Variants in ARID1B observed in about 807,000 individuals in gnomAD.
The protein encoded by ARID1B is AT-rich interaction domain 1B, also known as AT-rich interactive domain-containing protein 1B.
ARID1B carries 30 observed loss-of-function variants against 212.3 expected under a neutral mutation model. That is an observed-to-expected ratio of 0.14 (90% confidence interval 0.11 to 0.19). The LOEUF (loss-of-function observed/expected upper bound fraction) is 0.19, where lower values mean the gene tolerates loss of function less well. Among genes scored for constraint, ARID1B ranks in the 10% least tolerant of loss-of-function variants. ARID1B has a pLI of 1.00. For synonymous variants in ARID1B, 1,402 were observed against 1,301.7 expected (o/e 1.08, Z -1.66); for missense variants, 2,891 against 3,204.0 (o/e 0.90, Z 2.36).
At chr6:156,976,717 C>CTTTTTAAAAAAAAAGACTTT (rs1777273222) in intron 4 of ARID1B, 6 of 436,604 alleles carry the variant, frequency 1.4e-5, no homozygotes, top group South Asian at 1.1e-4. Context: ...TCCGTGGACT[C>CTTTTTAAAAAAAAAGACTTT]TTTTTAAGCT....
chr6:157,185,163 C>T (rs1422592614), intron 13 of ARID1B: 1 of 152,394 alleles, frequency 6.6e-6, no homozygotes, highest in East Asian at 1.9e-4. Flanking sequence ...AGCTCCCCTG[C>T]CAGCCTTCGT....
intron 4 of ARID1B, chr6:156,976,201 G>C (rs952553663): frequency 6.5e-6 from 1 of 152,896 alleles, no homozygotes; most frequent in Non-Finnish European, 1.5e-5. Context: ...ATCTTCAGTT[G>C]CTTCAGGCCA....
At chr6:156,964,961 T>C (rs889337377) in intron 4 of ARID1B, among the ~76,000 whole-genome samples, 4 of 152,218 alleles carry the variant, frequency 2.6e-5, no homozygotes, top group Admixed American at 2.0e-4. Context: ...CAAAGCCGCA[T>C]GATGGTTTTT....
chr6:157,122,494 A>C (rs1787799536), intron 6 of ARID1B, among the ~76,000 whole-genome samples: 1 of 152,208 alleles, frequency 6.6e-6, no homozygotes, highest in South Asian at 2.1e-4. Context: ...TCCATTATCT[A>C]AATTAACACC....
chr6:157,106,575 C>T (rs1050648514), intron 5 of ARID1B, among the ~76,000 whole-genome samples: 1 of 152,214 alleles, frequency 6.6e-6, no homozygotes, highest in African/African-American at 2.4e-5. Flanking sequence ...GATCATCTCT[C>T]TCCATTTTGA....
intron 2 of ARID1B, among the ~76,000 whole-genome samples, chr6:156,841,688 T>G (rs1166462034): frequency 6.6e-6 from 1 of 152,182 alleles, no homozygotes; most frequent in South Asian, 2.1e-4. Context: ...ATTGAGGGCT[T>G]ACTCTGGGTC....
At chr6:157,044,334 G>A (rs1782082379) in intron 4 of ARID1B, among the ~76,000 whole-genome samples, 1 of 133,570 alleles carries the variant, frequency 7.5e-6, no homozygotes, top group Non-Finnish European at 1.7e-5. Context: ...ATATTTGGCA[G>A]TGACTTAAAT....
At chr6:157,204,158 T>A in intron 19 of ARID1B, 162 bp downstream of exon 19, 2 of 875,678 alleles carry the variant, frequency 2.3e-6, no homozygotes, top group Admixed American at 2.2e-5. Context: ...TAGAGTTATC[T>A]GGGATAATAT....
chr6:157,144,955 C>G (rs79648721), intron 7 of ARID1B, among the ~76,000 whole-genome samples: 1 of 152,160 alleles, frequency 6.6e-6, no homozygotes, highest in South Asian at 2.1e-4. Flanking sequence ...CTCTTCACGC[C>G]GAAGCAGTTT....
chr6:156,901,799 A>G (rs1032126940), intron 3 of ARID1B: 6 of 493,038 alleles, frequency 1.2e-5, no homozygotes, highest in Non-Finnish European at 2.1e-5. Flanking sequence ...GTTCCCTGTC[A>G]TTTGTGTTCT....
chr6:156,854,203 C>T (rs1173399787), intron 2 of ARID1B, among the ~76,000 whole-genome samples: 1 of 152,076 alleles, frequency 6.6e-6, no homozygotes, highest in Non-Finnish European at 1.5e-5. Flanking sequence ...TTTTATCAAC[C>T]AAAGCTAGCT....
chr6:156,842,489 A>G (rs978386756), intron 2 of ARID1B, among the ~76,000 whole-genome samples: 3 of 152,158 alleles, frequency 2.0e-5, no homozygotes, highest in Non-Finnish European at 2.9e-5. Context: ...TATGCATCAC[A>G]TTTTGTTTAT....
intron 8 of ARID1B, among the ~76,000 whole-genome samples, chr6:157,153,851 G>C (rs1347454112): frequency 6.6e-6 from 1 of 152,044 alleles, no homozygotes; most frequent in African/African-American, 2.4e-5. Flanking sequence ...TGTTGCCCAG[G>C]CTGGTCATGA....
At chr6:156,783,709 T>G (rs1430112551) in intron 1 of ARID1B, among the ~76,000 whole-genome samples, 1 of 152,212 alleles carries the variant, frequency 6.6e-6, no homozygotes, top group Non-Finnish European at 1.5e-5. Flanking sequence ...AATTTTCTAC[T>G]CCGTTTGGAG....
At chr6:157,180,051 G>A (rs1320134870) in intron 11 of ARID1B, among the ~76,000 whole-genome samples, 1 of 152,094 alleles carries the variant, frequency 6.6e-6, no homozygotes, top group Non-Finnish European at 1.5e-5. Context: ...AAAAGATTTT[G>A]TACAATAACC....
chr6:156,951,703 A>G (rs940726647), intron 4 of ARID1B, among the ~76,000 whole-genome samples: 5 of 152,142 alleles, frequency 3.3e-5, no homozygotes, highest in African/African-American at 1.2e-4. Flanking sequence ...TCAGCCTTCC[A>G]AAGTGTTGGG....
chr6:157,061,817 T>C (rs1016128554), intron 4 of ARID1B, among the ~76,000 whole-genome samples: 8 of 152,220 alleles, frequency 5.3e-5, no homozygotes, highest in African/African-American at 1.9e-4. Context: ...GTGTATTTTT[T>C]CACAGCATAA....
At chr6:156,901,794 C>T (rs1454140575) in intron 3 of ARID1B, 13 of 506,834 alleles carry the variant, frequency 2.6e-5, no homozygotes, top group Admixed American at 7.5e-5. Flanking sequence ...TGCTTGTTCC[C>T]TGTCATTTGT....
chr6:156,930,138 A>T (rs992908200), intron 3 of ARID1B, among the ~76,000 whole-genome samples: 1 of 152,166 alleles, frequency 6.6e-6, no homozygotes, highest in Non-Finnish European at 1.5e-5. Context: ...TCTCCACCCA[A>T]ATCTCATGTC....
Sources: gnomAD v4.1 joint callset for allele counts (sites outside exome capture counted in the v4.1 genomes callset) on GRCh38, gnomAD v4.1.1 for gene constraint, MANE v1.5 for transcripts, NCBI Gene and HGNC (gene_info 2026-07-23, HGNC 2026-07-21) for gene names.